The following AGBL1 variants were observed in gnomAD, a reference collection of about 807,000 sequenced individuals.
AGBL1 encodes the protein AGBL carboxypeptidase 1, also known as cytosolic carboxypeptidase 4.
Under a neutral mutation model 118.9 loss-of-function variants are expected in AGBL1, and 130 were observed. That is an observed-to-expected ratio of 1.09 (90% CI 0.95 to 1.26). The LOEUF (loss-of-function observed/expected upper bound fraction) is 1.26. Among genes scored for constraint, AGBL1 ranks in the 50% most tolerant of loss-of-function variants. The pLI is 0.00. For synonymous variants in AGBL1, 555 were observed against 478.9 expected (o/e 1.16, Z -2.08); for missense variants, 1,584 against 1,298.1 (o/e 1.22, Z -3.38).
At chr15:86,962,439 A>C (rs2081002234) in intron 23 of AGBL1, among the ~76,000 whole-genome samples, 1 of 152,028 alleles carries the variant, frequency 6.6e-6, no homozygotes, top group Non-Finnish European at 1.5e-5. Flanking sequence ...CTTTTTTTTA[A>C]TCATATGTCT....
In AGBL1 at chr15:86,730,953, G is replaced by A. The variant is rs570178403; in HGVS notation, c.3158+56517G>A. The stretch of plus-strand genomic sequence containing the variant: ...AGTGATTCTCTTGCCTCAGTCTCCC[G>A]AGTAGCTGGGATTACAGGCATATGC... On this transcript the variant is annotated intron_variant, in intron 22 of 22. Coordinates refer to ENST00000614907, the MANE Select transcript of AGBL1 (RefSeq NM_001386094.1). Among the ~76,000 whole-genome samples, 98 of 152,092 alleles carry A rather than the reference G, an allele frequency of 6.4e-4. 1 individual carries two copies. The South Asian group carries it at 0.02, about 31-fold the overall frequency.
rs1291460423 is a variant in AGBL1, at chr15:86,397,541, C to T, written c.2550C>T (p.Asn850=). Residue 850 remains asparagine (N), a synonymous_variant, in exon 18 of 23, where the codon AAC becomes AAT. Transcript: ENST00000614907. ...IPMLNPDGVI[N]GNHRCSLSGE... ...TGCTCAACCCAGATGGTGTCATCAA[C>T]GGCAAGTATGTCAGGCACCTGGCTC... is the stretch of plus-strand genomic sequence containing the variant. 1.4e-5 allele frequency: 22 copies of T among 1,605,826 alleles called. No homozygotes were observed. Among genetic ancestry groups the T allele is most frequent in the South Asian group, 4.4e-5 (4 of 90,164 alleles).
At chr15:86,881,194 T>C (rs1296699172) in intron 22 of AGBL1, among the ~76,000 whole-genome samples, 3 of 152,220 alleles carry the variant, frequency 2.0e-5, no homozygotes, top group Admixed American at 2.0e-4. Context: ...AAGACAGAAA[T>C]GCAATTTTTT....
At chr15:86,304,986 A>G (rs1023131255) in intron 17 of AGBL1, 1 of 152,188 alleles carries the variant, frequency 6.6e-6, no homozygotes. Flanking sequence ...GGATGAGATG[A>G]ACCCCATGCC....
intron 5 of AGBL1, 91 bp from the exon 6 acceptor site, chr15:86,224,822 TG>T: frequency 8.2e-7 from 1 of 1,214,076 alleles, no homozygotes; most frequent in Non-Finnish European, 1.2e-6. Flanking sequence ...GGGTCTGTTA[TG>T]GGGTGGCAAT....
chr15:86,768,722 A>G (rs1186659318), intron 22 of AGBL1, among the ~76,000 whole-genome samples: 1 of 151,996 alleles, frequency 6.6e-6, no homozygotes, highest in Non-Finnish European at 1.5e-5. Flanking sequence ...ATTAAACCAT[A>G]TGAAATTAAC....
rs575106030 is a variant in AGBL1, at chr15:86,641,220, C to T, written c.2995-33053C>T. On this transcript the variant is annotated intron_variant, in intron 21 of 22. Coordinates refer to ENST00000614907, the MANE Select transcript of AGBL1 (RefSeq NM_001386094.1). ...ATTAATTTCTTAAGTAATATTTATT[C>T]AGGCTAGTGTACTATATTGAACTAT... Among the ~76,000 whole-genome samples, 3 of 152,020 alleles carry T rather than the reference C, an allele frequency of 2.0e-5. No homozygotes were observed. The South Asian group carries it at 6.2e-4, about 32-fold the overall frequency.
At chr15:86,906,484 C>G (rs2080281206) in intron 22 of AGBL1, among the ~76,000 whole-genome samples, 1 of 152,192 alleles carries the variant, frequency 6.6e-6, no homozygotes, top group African/African-American at 2.4e-5. Context: ...TTAATTTCAA[C>G]CTGGATTAAT....
At chr15:86,586,991 A>G (rs1033942055) in intron 21 of AGBL1, among the ~76,000 whole-genome samples, 27 of 152,164 alleles carry the variant, frequency 1.8e-4, no homozygotes, top group African/African-American at 5.3e-4. Flanking sequence ...CAGGCCCCTT[A>G]GAAAGGCATA....
intron 18 of AGBL1, among the ~76,000 whole-genome samples, chr15:86,465,334 T>A (rs2082388537): frequency 6.6e-6 from 1 of 152,168 alleles, no homozygotes; most frequent in Non-Finnish European, 1.5e-5. Context: ...GTATGTCACC[T>A]CAGGACCCTG....
In AGBL1 at chr15:86,495,103, ACTCT is replaced by A. The variant is rs34697784; in HGVS notation, c.2556-27689_2556-27686del. On this transcript the variant is annotated intron_variant, in intron 18 of 22. Transcript: ENST00000614907. Reference sequence around the variant, plus strand: ...CTAGTGCGCTCCGTCTGTCTCGCTCACTCTCTCTCTCTCTCTCTCTCGCTTTCTT... The same window carrying A: ...CTAGTGCGCTCCGTCTGTCTCGCTCACTCTCTCTCTCTCTCTCGCTTTCTT... 4.6e-3 allele frequency among the ~76,000 whole-genome samples: 601 copies of A among 129,484 alleles called. 4 individuals are homozygous for A. The highest frequency in any genetic ancestry group is 0.016 in the African/African-American group (566 of 35,162). The allele number at this position is 129,484 out of a possible 152,430, so 84.9% of individuals were successfully genotyped here.
chr15:86,274,371 A>G (rs2079211094), intron 15 of AGBL1, among the ~76,000 whole-genome samples: 1 of 152,138 alleles, frequency 6.6e-6, no homozygotes, highest in South Asian at 2.1e-4. Context: ...GGGGTAGGCT[A>G]TGTCCATTCT....
chr15:86,740,295 A>C (rs764082211), intron 22 of AGBL1, among the ~76,000 whole-genome samples: 3 of 152,222 alleles, frequency 2.0e-5, no homozygotes, highest in Non-Finnish European at 2.9e-5. Context: ...GAATTTCATT[A>C]ACTAGGTAAC....
At chr15:86,766,569 A>AT (rs1368481182) in intron 22 of AGBL1, among the ~76,000 whole-genome samples, 2 of 151,712 alleles carry the variant, frequency 1.3e-5, no homozygotes, top group Non-Finnish European at 2.9e-5. Context: ...TGGTCATATA[A>AT]TTTTTTTTCT....
chr15:86,608,663 G>A (rs2437798), intron 21 of AGBL1, among the ~76,000 whole-genome samples: 75,000 of 151,910 alleles, frequency 0.49, 18,682 homozygotes, highest in East Asian at 0.73. Context: ...ATCCAGGCAG[G>A]ATGACGGCAG....
chr15:86,752,593 C>G (rs1287858263), intron 22 of AGBL1, among the ~76,000 whole-genome samples: 1 of 152,136 alleles, frequency 6.6e-6, no homozygotes, highest in South Asian at 2.1e-4. Context: ...TGTTTCTGCT[C>G]CAGGCTCTAC....
intron 1 of AGBL1, chr15:86,105,375 A>C (rs1309658627): frequency 1.3e-5 from 2 of 152,242 alleles, no homozygotes; most frequent in Non-Finnish European, 2.9e-5. Flanking sequence ...TAAGTAAATT[A>C]GAAAGACATA....
chr15:86,227,624 G>T (rs900643628), intron 6 of AGBL1, among the ~76,000 whole-genome samples: 9 of 152,242 alleles, frequency 5.9e-5, no homozygotes, highest in Admixed American at 3.9e-4. Context: ...TCACTGATGT[G>T]TATGTATTTG....
chr15:86,774,470 A>G (rs1395172877), intron 22 of AGBL1, among the ~76,000 whole-genome samples: 5 of 152,130 alleles, frequency 3.3e-5, no homozygotes, highest in Admixed American at 3.3e-4. Flanking sequence ...AATTTTTCAC[A>G]TATTGGGGGC....
Sources: allele counts gnomAD v4.1 joint callset (sites outside exome capture counted in the v4.1 genomes callset), GRCh38; gene constraint gnomAD v4.1.1; transcripts MANE v1.5; gene names NCBI Gene and HGNC (gene_info 2026-07-23, HGNC 2026-07-21).